Variants in TAF5 observed in about 807,000 individuals in gnomAD.
The protein encoded by TAF5 is TATA-box binding protein associated factor 5.
In TAF5, 20 loss-of-function variants were observed where a neutral mutation model predicts 80.9. The ratio of observed to expected loss-of-function variants is 0.25; its 90% CI spans 0.17 to 0.36. The LOEUF (loss-of-function observed/expected upper bound fraction) is 0.36, where lower values mean the gene tolerates loss of function less well. Ranked by LOEUF, TAF5 falls within the 10% of genes least tolerant of loss-of-function variation. TAF5 has a pLI of 1.00. For missense variants in TAF5, 863 were observed against 1,029.4 expected (o/e 0.84, Z 2.21); for synonymous variants, 388 against 406.4 (o/e 0.95, Z 0.55).
chr10:103,375,264 A>G (rs1419251981), intron 2 of TAF5, among the ~76,000 whole-genome samples: 1 of 152,162 alleles, frequency 6.6e-6, no homozygotes, highest in Non-Finnish European at 1.5e-5. Context: ...CCAAAATGTT[A>G]ATAGCACCCT....
intron 1 of TAF5, among the ~76,000 whole-genome samples, chr10:103,372,975 C>T (rs1478773518): frequency 8.6e-5 from 13 of 151,448 alleles, no homozygotes; most frequent in African/African-American, 1.7e-4. Context: ...GAGGCCGAGG[C>T]GGGAGGATCA....
At position 103,373,486 on chromosome 10, in the gene TAF5, G is replaced by T; in HGVS notation, c.688G>T (p.Asp230Tyr). Residue 230 changes from aspartate to tyrosine, a missense_variant, in exon 2 of 11, where the codon GAC becomes TAC. Transcript: ENST00000369839. The stretch of plus-strand genomic sequence containing the variant: ...GAAACACTTCATTGAATGTTCCCTG[G>T]ACTGCCATCGGGCAGAGTTGTCCCA... The part of the protein sequence containing the change: ...GLKHFIECSL[D>Y]CHRAELSQLF... 1 of 1,614,172 alleles carries T rather than the reference G, an allele frequency of 6.2e-7. No homozygotes were observed.
chr10:103,368,147 C>T lies in TAF5; in HGVS notation c.158C>T (p.Ala53Val). The T allele has an allele frequency of 1.4e-6, 2 of 1,394,722 alleles. No individual in the cohort carries two copies. Among genetic ancestry groups the T allele is most frequent in the Non-Finnish European group, 1.9e-6 (2 of 1,074,556 alleles). The allele number at this position is 1,394,722 out of a possible 1,614,324, so 86.4% of individuals were successfully genotyped here. A position where few individuals can be genotyped will look rare whatever the true frequency, so the allele number is the denominator to read the frequency against. Residue 53 changes from alanine (A) to valine (V), a missense_variant, in exon 1 of 11, where the codon GCG (alanine) becomes GTG (valine). By Grantham distance (64) the Ala-to-Val change is moderately conservative (BLOSUM62 0). This residue lies in a region of TAF5 where 367 missense variants were observed against 335.5 expected (regional missense o/e 1.09). Coordinates refer to ENST00000369839, the MANE Select transcript of TAF5 (RefSeq NM_006951.5). ...GPNGGGGNVA[A>V]SSSTGGDGGT... ...AACGGCGGCGGCGGGAACGTTGCGG[C>T]GTCGTCGTCCACTGGCGGGGATGGC...
chr10:103,376,028 A>C (rs1435871868), intron 2 of TAF5, among the ~76,000 whole-genome samples: 2 of 150,336 alleles, frequency 1.3e-5, no homozygotes, highest in African/African-American at 4.9e-5. Flanking sequence ...ATTACACTCC[A>C]GCCTTGGCGA....
Position 103,387,362 on chromosome 10 carries a change from A to G in TAF5, c.2007+10A>G. ...CTTCACTGGACACAAGGTATTTTAC[A>G]CTCTTACTATTCCAGCATCCAAGGT... On this transcript the variant is annotated intron_variant, in intron 9 of 10. Coordinates refer to ENST00000369839, the MANE Select transcript of TAF5 (RefSeq NM_006951.5). 1 of 1,596,632 alleles carries G rather than the reference A, an allele frequency of 6.3e-7. No homozygotes were observed. Among genetic ancestry groups the G allele is most frequent in the Non-Finnish European group, 8.5e-7 (1 of 1,172,340 alleles).
intron 4 of TAF5, 56 bp from the exon 5 acceptor site, chr10:103,379,828 G>A (rs1371612086): frequency 7.7e-5 from 124 of 1,602,244 alleles, no homozygotes; most frequent in Non-Finnish European, 1.0e-4. Context: ...ATGTTATATA[G>A]AGTTCAAGTT....
chr10:103,376,988 G>T (rs910758358), intron 2 of TAF5, among the ~76,000 whole-genome samples: 16 of 152,156 alleles, frequency 1.1e-4, no homozygotes, highest in African/African-American at 3.6e-4. Flanking sequence ...AGGTTGCAGC[G>T]AGCTGAGATC....
In TAF5 at chr10:103,387,319, T is replaced by C. The variant is rs1332714096; in HGVS notation, c.1974T>C (p.Asn658=). 18 of 1,614,018 alleles carry C rather than the reference T, an allele frequency of 1.1e-5. No homozygotes were observed. The highest frequency in any genetic ancestry group is 1.4e-5 in the Non-Finnish European group (17 of 1,180,030). The part of the protein sequence containing the change: ...DRTVRLWDVL[N]GNCVRIFTGH... The stretch of plus-strand genomic sequence containing the variant: ...CTGTGCGGCTCTGGGACGTCCTGAA[T>C]GGTAACTGTGTAAGGATCTTCACTG... The change falls in exon 9 of 11, where the codon AAT becomes AAC. Residue 658 remains asparagine, a synonymous_variant. Transcript: ENST00000369839.
chr10:103,381,236 C>T (rs1235276324), intron 5 of TAF5, among the ~76,000 whole-genome samples: 1 of 151,394 alleles, frequency 6.6e-6, no homozygotes, highest in African/African-American at 2.4e-5. Flanking sequence ...GGCATGAACC[C>T]CCGCGCCCGG....
intron 8 of TAF5, 119 bp from the exon 9 acceptor site, chr10:103,387,056 G>C: frequency 2.2e-6 from 2 of 905,530 alleles, no homozygotes; most frequent in Admixed American, 5.8e-5. Flanking sequence ...TAGTAAGTGG[G>C]GGGCCCACTC....
chr10:103,371,188 A>C (rs918811738), intron 1 of TAF5, among the ~76,000 whole-genome samples: 2 of 151,438 alleles, frequency 1.3e-5, no homozygotes, highest in Non-Finnish European at 2.9e-5. Flanking sequence ...AGTTGCAGTG[A>C]GCTGAGATCA....
In TAF5 at chr10:103,378,159, T is replaced by C; in HGVS notation, c.798-76T>C. 1 of 1,309,836 alleles carries C rather than the reference T, an allele frequency of 7.6e-7. No individual in the cohort carries two copies. The allele number at this position is 1,309,836 out of a possible 1,614,324, so 81.1% of individuals were successfully genotyped here. A position where few individuals can be genotyped will look rare whatever the true frequency, so the allele number is the denominator to read the frequency against. ...CTACATTGAAAATATTCTGGGATGG[T>C]TTATAAGTATATGGGGGAAAGGCAG... is the stretch of plus-strand genomic sequence containing the variant. On this transcript the variant is annotated intron_variant, in intron 2 of 10. Coordinates refer to ENST00000369839, the MANE Select transcript of TAF5 (RefSeq NM_006951.5). The surrounding 1 kb of genome is among the most constrained non-coding windows in gnomAD (Gnocchi z 4.1).
At position 103,368,164 on chromosome 10, in the gene TAF5, G is replaced by A. The variant is rs2093349505; in HGVS notation, c.175G>A (p.Gly59Arg). 3 of 1,393,432 alleles carry A rather than the reference G, an allele frequency of 2.2e-6. No individual in the cohort carries two copies. The highest frequency in any genetic ancestry group is 2.8e-6 in the Non-Finnish European group (3 of 1,075,244). The allele number at this position is 1,393,432 out of a possible 1,614,324, so 86.3% of individuals were successfully genotyped here. The change falls in exon 1 of 11, where the codon GGG (glycine) becomes AGG (arginine). Residue 59 changes from glycine to arginine, a missense_variant. Coordinates refer to ENST00000369839, the MANE Select transcript of TAF5 (RefSeq NM_006951.5). ...CGTTGCGGCGTCGTCGTCCACTGGCGGGGATGGCGGGACCCCCAAGCCCAC... is the reference window on the plus strand; with the variant it reads ...CGTTGCGGCGTCGTCGTCCACTGGCAGGGATGGCGGGACCCCCAAGCCCAC... ...GNVAASSSTG[G>R]DGGTPKPTVA...
rs2093366350 is a variant in TAF5, at chr10:103,374,497, C to T, written c.797+902C>T. On this transcript the variant is annotated intron_variant, in intron 2 of 10. Coordinates refer to ENST00000369839, the MANE Select transcript of TAF5 (RefSeq NM_006951.5). This position sits in a 1 kb window ranked among gnomAD's most constrained non-coding sequence, Gnocchi z 4.3. ...CTGCACACACTTCTTCCTTTTATAT[C>T]TTAACAGTCAGTGGCCACACCTAGC... is the stretch of plus-strand genomic sequence containing the variant. Among the ~76,000 whole-genome samples, 1 of 152,184 alleles carries T rather than the reference C, an allele frequency of 6.6e-6. No homozygotes were observed. Among genetic ancestry groups the T allele is most frequent in the Non-Finnish European group, 1.5e-5 (1 of 68,028 alleles).
chr10:103,370,443 A>C (rs1466588398), intron 1 of TAF5, among the ~76,000 whole-genome samples: 1 of 145,164 alleles, frequency 6.9e-6, no homozygotes, highest in African/African-American at 2.6e-5. Flanking sequence ...CTCCTGCCTC[A>C]GCCTCCCGAG....
intron 1 of TAF5, among the ~76,000 whole-genome samples, chr10:103,371,243 T>C (rs776267408): frequency 4.1e-5 from 5 of 122,732 alleles, no homozygotes; most frequent in Admixed American, 8.7e-5. Flanking sequence ...ACTCCGTCTT[T>C]ACAAAAAAAA....
chr10:103,387,133 T>C (rs1457112743), intron 8 of TAF5, 42 bp from the exon 9 acceptor site: 3 of 1,569,126 alleles, frequency 1.9e-6, no homozygotes, highest in South Asian at 2.3e-5. Context: ...TTCACAGCTA[T>C]CTACTAATTG....
At chr10:103,372,403 C>A (rs557333212) in intron 1 of TAF5, among the ~76,000 whole-genome samples, 70 of 149,774 alleles carry the variant, frequency 4.7e-4, no homozygotes, top group African/African-American at 1.5e-3. Flanking sequence ...GGCGCGATCT[C>A]GGCTCACTGC....
At position 103,367,976 on chromosome 10, in the gene TAF5, G is replaced by A. The variant is rs1592087666; in HGVS notation, c.-14G>A. 2.8e-6 allele frequency: 4 copies of A among 1,452,918 alleles called. No individual in the cohort carries two copies. In the East Asian group the frequency reaches 8.9e-5, roughly 32 times the overall value. 90.0% of individuals were successfully genotyped at this position (1,452,918 alleles called of 1,614,324 possible). A position where few individuals can be genotyped will look rare whatever the true frequency, so the allele number is the denominator to read the frequency against. The stretch of plus-strand genomic sequence containing the variant: ...GCAATCACGCTTGACGGCGCGAGGT[G>A]GCTCAGCCGCAAGATGGCGGCGCTG... On this transcript the variant is annotated 5_prime_UTR_variant, in exon 1 of 11. Coordinates refer to ENST00000369839, the MANE Select transcript of TAF5 (RefSeq NM_006951.5).
Sources: allele counts gnomAD v4.1 joint callset (sites outside exome capture counted in the v4.1 genomes callset), GRCh38; gene constraint gnomAD v4.1.1; regional missense constraint gnomAD v4.1.1; non-coding constraint Gnocchi (gnomAD v3.1); transcripts MANE v1.5; gene names NCBI Gene and HGNC (gene_info 2026-07-23, HGNC 2026-07-21).